Variants in BCKDK observed in about 807,000 individuals in gnomAD.
BCKDK encodes the protein branched-chain alpha-ketoacid dehydrogenase kinase.
In BCKDK, 28 loss-of-function variants were observed where a neutral mutation model predicts 43.9. That is an observed-to-expected ratio of 0.64 (90% CI 0.47 to 0.87). The LOEUF is 0.87. Ranked by LOEUF, BCKDK falls within the 40% of genes least tolerant of loss-of-function variation. The pLI is 0.00. For synonymous variants in BCKDK, 257 were observed against 234.3 expected (o/e 1.10, Z -0.88); for missense variants, 483 against 581.4 (o/e 0.83, Z 1.74).
At position 31,112,579 on chromosome 16, in the gene BCKDK, G is replaced by A. The variant is rs1047442153; in HGVS notation, c.*314G>A. ...CATTTTGAATGCCCTCTCGGGCCCC[G>A]TGTGTGGGGAGGGCAGGTGAACTTT... On this transcript the variant is annotated 3_prime_UTR_variant, in exon 12 of 12. Coordinates refer to ENST00000219794, the MANE Select transcript of BCKDK (RefSeq NM_005881.4). The surrounding 1 kb of genome is among the most constrained non-coding windows in gnomAD (Gnocchi z 5.0). 2.7e-5 allele frequency: 13 copies of A among 472,922 alleles called. No individual in the cohort carries two copies. The highest frequency in any genetic ancestry group is 2.5e-4 in the East Asian group (6 of 24,194). The allele number at this position is 472,922 out of a possible 1,614,324, so 29.3% of individuals were successfully genotyped here.
rs374518693 is a variant in BCKDK, at chr16:31,109,646, C to T, written c.265-27C>T. 1.9e-6 allele frequency: 3 copies of T among 1,613,682 alleles called. No homozygotes were observed. The highest frequency in any genetic ancestry group is 2.5e-6 in the Non-Finnish European group (3 of 1,179,776). The stretch of plus-strand genomic sequence containing the variant: ...TCTCCCAGACACTCAGGCTCCAGCC[C>T]CGCCTTCCCTTCTCATTTTCTCCCA... On this transcript the variant is annotated intron_variant, in intron 3 of 11. Transcript: ENST00000219794. This position sits in a 1 kb window ranked among gnomAD's most constrained non-coding sequence, Gnocchi z 5.3.
At position 31,111,970 on chromosome 16, in the gene BCKDK, G is replaced by T; in HGVS notation, c.1037G>T (p.Ser346Ile). The T allele has an allele frequency of 6.2e-7, 1 of 1,614,108 alleles. No individual in the cohort carries two copies. Among genetic ancestry groups the T allele is most frequent in the Non-Finnish European group, 8.5e-7 (1 of 1,180,014 alleles). The change falls in exon 11 of 12, where the codon AGC becomes ATC. Residue 346 changes from serine to isoleucine, a missense_variant. By Grantham distance (142) the Ser-to-Ile change is moderately radical. Coordinates refer to ENST00000219794, the MANE Select transcript of BCKDK (RefSeq NM_005881.4). Reference protein sequence around the residue: ...AEASTQDPRISPLFGHLDMHS... With the variant: ...AEASTQDPRIIPLFGHLDMHS... ...GCCAGCACACAGGACCCCCGGATCA[G>T]CCCCCTCTTTGGCCATCTGGACATG... is the stretch of plus-strand genomic sequence containing the variant.
At position 31,109,418 on chromosome 16, in the gene BCKDK, G is replaced by A. The variant is rs373170334; in HGVS notation, c.195G>A (p.Lys65=). ...NQSAIDAAAE[K]PSVRLTPTMM... ...CGGCCATCGACGCGGCAGCGGAGAA[G>A]GTGCGCAAGGGGGCAGCCAGCCCAG... The change falls in exon 2 of 12, where the codon AAG becomes AAA. Residue 65 remains lysine (K), a splice_region_variant and synonymous_variant. Coordinates refer to ENST00000219794, the MANE Select transcript of BCKDK (RefSeq NM_005881.4). The surrounding 1 kb of genome is among the most constrained non-coding windows in gnomAD (Gnocchi z 5.3). The A allele has an allele frequency of 7.5e-6, 12 of 1,610,086 alleles. No individual in the cohort carries two copies. Among genetic ancestry groups the A allele is most frequent in the African/African-American group, 1.3e-5 (1 of 74,870 alleles).
At position 31,110,756 on chromosome 16, in the gene BCKDK, T is replaced by C. The variant is rs754213472; in HGVS notation, c.711T>C (p.Phe237=). 6.2e-7 allele frequency: 1 copy of C among 1,613,966 alleles called. No homozygotes were observed. The highest frequency in any genetic ancestry group is 8.5e-7 in the Non-Finnish European group (1 of 1,179,900). The part of the protein sequence containing the change: ...PKKIIEKWVD[F]ARRLCEHKYG... Reference sequence around the variant, plus strand: ...AGATTATTGAGAAGTGGGTGGACTTTGCCAGGTGAGGCAAGAATGGCTCAG... The same window carrying C: ...AGATTATTGAGAAGTGGGTGGACTTCGCCAGGTGAGGCAAGAATGGCTCAG... The change falls in exon 8 of 12, where the codon TTT becomes TTC. Residue 237 remains phenylalanine (F), a synonymous_variant. Transcript: ENST00000219794. This position sits in a 1 kb window ranked among gnomAD's most constrained non-coding sequence, Gnocchi z 5.4.
intron 9 of BCKDK, 28 bp from the exon 10 acceptor site, chr16:31,111,272 T>A: frequency 3.7e-6 from 6 of 1,614,168 alleles, no homozygotes; most frequent in Non-Finnish European, 5.1e-6. Context: ...GGGGTGCTTG[T>A]ACCTACTGGT....
chr16:31,112,549 G>A lies in BCKDK; in HGVS notation c.*284G>A. The A allele has an allele frequency of 1.8e-6, 1 of 555,366 alleles. No individual in the cohort carries two copies. Among genetic ancestry groups the A allele is most frequent in the East Asian group, 3.1e-5 (1 of 31,944 alleles). The allele number at this position is 555,366 out of a possible 1,614,324, so 34.4% of individuals were successfully genotyped here. A position where few individuals can be genotyped will look rare whatever the true frequency, so the allele number is the denominator to read the frequency against. On this transcript the variant is annotated 3_prime_UTR_variant, in exon 12 of 12. Coordinates refer to ENST00000219794, the MANE Select transcript of BCKDK (RefSeq NM_005881.4). This position sits in a 1 kb window ranked among gnomAD's most constrained non-coding sequence, Gnocchi z 5.0. Reference sequence around the variant, plus strand: ...ACCCCCACTCTGACCTGTTATTAAAGTTCACATTTTGAATGCCCTCTCGGG... The same window carrying A: ...ACCCCCACTCTGACCTGTTATTAAAATTCACATTTTGAATGCCCTCTCGGG...
Position 31,112,244 on chromosome 16 carries a change from G to C in BCKDK, c.1218G>C (p.Arg406=). 2 of 1,610,348 alleles carry C rather than the reference G, an allele frequency of 1.2e-6. No homozygotes were observed. Among genetic ancestry groups the C allele is most frequent in the Non-Finnish European group, 1.7e-6 (2 of 1,179,980 alleles). The change falls in exon 12 of 12, where the codon CGG becomes CGC. Residue 406 remains arginine, a synonymous_variant. Transcript: ENST00000219794. The surrounding 1 kb of genome is among the most constrained non-coding windows in gnomAD (Gnocchi z 5.0). ...TGCGGCTCCGCCACATCGATGGCCG[G>C]GAGGAAAGCTTCCGGATCTGACCCC... ...VYLRLRHIDG[R]EESFRI
In BCKDK at chr16:31,110,785, G is replaced by A; in HGVS notation, c.716+24G>A. On this transcript the variant is annotated intron_variant, in intron 8 of 11. Transcript: ENST00000219794. This position sits in a 1 kb window ranked among gnomAD's most constrained non-coding sequence, Gnocchi z 5.4. ...AGGTGAGGCAAGAATGGCTCAGGGG[G>A]TGGGCAGACATCTGGGGCAGGGAAG... 2 of 1,609,542 alleles carry A rather than the reference G, an allele frequency of 1.2e-6. No individual in the cohort carries two copies. Among genetic ancestry groups the A allele is most frequent in the Non-Finnish European group, 1.7e-6 (2 of 1,175,884 alleles).
chr16:31,117,425 T>C (rs2057455140), downstream of BCKDK: 1 of 362,222 alleles, frequency 2.8e-6, no homozygotes. Context: ...AGTTGAGTCA[T>C]CGCATGAGGT....
At position 31,110,437 on chromosome 16, in the gene BCKDK, C is replaced by T. The variant is rs898604240; in HGVS notation, c.580C>T (p.Leu194=). 6.2e-7 allele frequency: 1 copy of T among 1,613,940 alleles called. No individual in the cohort carries two copies. Among genetic ancestry groups the T allele is most frequent in the Non-Finnish European group, 8.5e-7 (1 of 1,180,028 alleles). Residue 194 remains leucine, a synonymous_variant, in exon 7 of 12, where the codon CTG becomes TTG. Transcript: ENST00000219794. The surrounding 1 kb of genome is among the most constrained non-coding windows in gnomAD (Gnocchi z 5.4). ...CGTCCGCTACTTCTTGGACAAGACG[C>T]TGACTTCGAGGCTTGGAATCCGCAT... is the stretch of plus-strand genomic sequence containing the variant. ...KLVRYFLDKT[L]TSRLGIRMLA...
chr16:31,110,489 A>C lies in BCKDK; in HGVS notation c.632A>C (p.His211Pro), dbSNP rs761417171. ...TTGGCCACGCATCACCTGGCGCTGC[A>C]TGAGGACAAGGTGGGGCTCTGGGAC... is the stretch of plus-strand genomic sequence containing the variant. ...RMLATHHLAL[H>P]EDKPDFVGII... The change falls in exon 7 of 12, where the codon CAT (histidine) becomes CCT (proline). Residue 211 changes from histidine (H) to proline (P), a missense_variant. Transcript: ENST00000219794. This position sits in a 1 kb window ranked among gnomAD's most constrained non-coding sequence, Gnocchi z 5.4. The C allele has an allele frequency of 1.9e-6, 3 of 1,613,828 alleles. No homozygotes were observed. In the South Asian group the frequency reaches 3.3e-5, roughly 18 times the overall value.
chr16:31,111,763 C>A, intron 10 of BCKDK, 106 bp from the exon 11 acceptor site: 1 of 1,470,140 alleles, frequency 6.8e-7, no homozygotes, highest in Non-Finnish European at 9.4e-7. Context: ...CACATTCCAG[C>A]TCTGGGTGGA....
At chr16:31,114,964 G>A (rs1010338109), downstream of BCKDK, among the ~76,000 whole-genome samples, 2 of 151,724 alleles carry the variant, frequency 1.3e-5, no homozygotes, top group Admixed American at 6.6e-5. Context: ...TTGTTGTGTC[G>A]GCCAGGTTGG....
rs749467687 is a variant in BCKDK, at chr16:31,109,270, C to T, written c.47C>T (p.Pro16Leu). Residue 16 changes from proline (P) to leucine (L), a missense_variant, in exon 2 of 12, where the codon CCG (proline) becomes CTG (leucine). Physicochemically the swap from Pro to Leu is moderately conservative, Grantham distance 98 (BLOSUM62 -3). Transcript: ENST00000219794. This position sits in a 1 kb window ranked among gnomAD's most constrained non-coding sequence, Gnocchi z 5.3. ...VLRSGPGGGLPLRPLLGPALA... is the reference protein window; with the variant it reads ...VLRSGPGGGLLLRPLLGPALA... ...AGGAGCGGTCCCGGGGGCGGGCTTC[C>T]GCTCCGGCCCCTCCTGGGACCCGCA... The T allele has an allele frequency of 8.9e-6, 14 of 1,569,648 alleles. No individual in the cohort carries two copies. Among genetic ancestry groups the T allele is most frequent in the South Asian group, 3.5e-5 (3 of 86,908 alleles).
rs777018162 is a variant in BCKDK at position 31,110,190 on chromosome 16, C to G, written c.424-15C>G. 9.9e-6 allele frequency: 16 copies of G among 1,614,004 alleles called. 1 individual carries two copies. Among genetic ancestry groups the G allele is most frequent in the African/African-American group, 2.7e-5 (2 of 74,916 alleles). ...GGGCTTGGACCACCCTTCCTCATGACTCTGTGACCTGCAGATCAAGGACCA... is the reference window on the plus strand; with the variant it reads ...GGGCTTGGACCACCCTTCCTCATGAGTCTGTGACCTGCAGATCAAGGACCA... On this transcript the variant is annotated splice_polypyrimidine_tract_variant and intron_variant, in intron 5 of 11. Transcript: ENST00000219794. This position sits in a 1 kb window ranked among gnomAD's most constrained non-coding sequence, Gnocchi z 5.4.
At position 31,112,154 on chromosome 16, in the gene BCKDK, C is replaced by A; in HGVS notation, c.1128C>A (p.Tyr376Ter). 6.2e-7 allele frequency: 1 copy of A among 1,613,536 alleles called. No homozygotes were observed. Among genetic ancestry groups the A allele is most frequent in the African/African-American group, 1.3e-5 (1 of 75,062 alleles). Residue 376 changes from tyrosine (Y) to a stop codon, truncating the protein, a stop_gained, in exon 12 of 12, where the codon TAC becomes TAA. Transcript: ENST00000219794. LOFTEE classifies it high-confidence loss of function. The surrounding 1 kb of genome is among the most constrained non-coding windows in gnomAD (Gnocchi z 5.0). ...TCGGGTTGCCCACGTCACGGGCCTACGCGGAGTACCTCGGTGGGTCTCTGC... is the reference window on the plus strand; with the variant it reads ...TCGGGTTGCCCACGTCACGGGCCTAAGCGGAGTACCTCGGTGGGTCTCTGC... Reference protein sequence around the residue: ...FGFGLPTSRAYAEYLGGSLQL... With the variant: ...FGFGLPTSRA
downstream of BCKDK, among the ~76,000 whole-genome samples, chr16:31,117,165 A>C (rs1027549504): frequency 5.3e-5 from 8 of 151,670 alleles, no homozygotes; most frequent in Non-Finnish European, 1.2e-4. Flanking sequence ...AGGTCAAGAG[A>C]TCAAGACTAT....
At chr16:31,112,984 G>C (rs1253045932), downstream of BCKDK, among the ~76,000 whole-genome samples, 2 of 152,212 alleles carry the variant, frequency 1.3e-5, no homozygotes, top group Non-Finnish European at 2.9e-5. The surrounding 1 kb of genome is among the most constrained non-coding windows in gnomAD (Gnocchi z 5.0). Flanking sequence ...CCAAGGAAAA[G>C]AACATACAAG....
In BCKDK at chr16:31,109,564, C is replaced by T. The variant is rs138821043; in HGVS notation, c.249C>T (p.Asp83=). ...TGCTCTACGCTGGCCGCTCTCAGGACGGCAGCCACCTTCTGGTAAGATTCA... is the reference window on the plus strand; with the variant it reads ...TGCTCTACGCTGGCCGCTCTCAGGATGGCAGCCACCTTCTGGTAAGATTCA... ...TMMLYAGRSQ[D]GSHLLKSARY... is the part of the protein sequence containing the mutation. Residue 83 remains aspartate, a synonymous_variant, in exon 3 of 12, where the codon GAC becomes GAT. Coordinates refer to ENST00000219794, the MANE Select transcript of BCKDK (RefSeq NM_005881.4). The surrounding 1 kb of genome is among the most constrained non-coding windows in gnomAD (Gnocchi z 5.3). 3.0e-4 allele frequency: 489 copies of T among 1,614,002 alleles called. 1 individual carries two copies. Among genetic ancestry groups the T allele is most frequent in the Middle Eastern group, 1.6e-4 (1 of 6,084 alleles).
Sources: gnomAD v4.1 joint callset for allele counts (sites outside exome capture counted in the v4.1 genomes callset) on GRCh38, gnomAD v4.1.1 for gene constraint, Gnocchi (gnomAD v3.1) non-coding constraint, MANE v1.5 for transcripts, NCBI Gene and HGNC (gene_info 2026-07-23, HGNC 2026-07-21) for gene names.